Variants in KLHL32 observed in about 807,000 individuals in gnomAD.
The protein encoded by KLHL32 is kelch-like protein 32.
KLHL32 carries 35 observed loss-of-function variants against 64.8 expected under a neutral mutation model. The observed-to-expected ratio is 0.54, with a 90% CI of 0.41 to 0.72. The LOEUF is 0.72. Ranked by LOEUF, KLHL32 falls within the 30% of genes least tolerant of loss-of-function variation. The pLI is 0.00. For missense variants in KLHL32, 589 were observed against 768.5 expected, an observed-to-expected ratio of 0.77 and a Z score of 2.76; for synonymous variants, 259 against 281.0, an observed-to-expected ratio of 0.92 and a Z score of 0.78.
In KLHL32 at chr6:97,057,438, T is replaced by C; in HGVS notation, c.313-7190T>C. 2.2e-5 allele frequency among the ~76,000 whole-genome samples: 2 copies of C among 89,364 alleles called. 1 individual carries two copies. The highest frequency in any genetic ancestry group is 2.9e-4 in the Admixed American group (2 of 6,862). The allele number at this position is 89,364 out of a possible 152,430, so 58.6% of individuals were successfully genotyped here. A position where few individuals can be genotyped will look rare whatever the true frequency, so the allele number is the denominator to read the frequency against. On this transcript the variant is annotated intron_variant, in intron 4 of 10. Transcript: ENST00000369261. The stretch of plus-strand genomic sequence containing the variant: ...ACCTCGTGATCCGCCCGTCTCGGCC[T>C]CCCAAAGTGCTGGGATTACAGGCGT...
At chr6:96,913,672 TAACTGTTCATAGTTGGAGAAAA>T in the KLHL32 span, among the ~76,000 whole-genome samples, 1 of 152,236 alleles carries the variant, frequency 6.6e-6, no homozygotes, top group South Asian at 2.1e-4. Flanking sequence ...ACATGAGAGT[TAACTGTTCATAGTTGGAGAAAA>T]ATTTTGAAAG....
At chr6:97,060,180 A>G (rs1271215585) in intron 4 of KLHL32, among the ~76,000 whole-genome samples, 1 of 152,172 alleles carries the variant, frequency 6.6e-6, no homozygotes, top group African/African-American at 2.4e-5. Flanking sequence ...ATAGCTTTGA[A>G]GATCTGAAGA....
chr6:97,074,619 A>G (rs1207563353), intron 5 of KLHL32, among the ~76,000 whole-genome samples: 1 of 151,598 alleles, frequency 6.6e-6, no homozygotes, highest in Non-Finnish European at 1.5e-5. Context: ...AAAAAAACAA[A>G]AAAACTACTT....
chr6:97,085,037 C>T, intron 5 of KLHL32, 89 bp from the exon 6 acceptor site: 2 of 1,102,366 alleles, frequency 1.8e-6, no homozygotes, highest in South Asian at 2.7e-5. Flanking sequence ...GTGATGAAAA[C>T]CTTAGTGAGT....
intron 3 of KLHL32, among the ~76,000 whole-genome samples, chr6:97,024,406 T>C (rs1264957529): frequency 5.3e-5 from 8 of 151,770 alleles, no homozygotes; most frequent in Non-Finnish European, 7.4e-5. Context: ...TGTTGCTTTT[T>C]TTTTTTTTCA....
At chr6:96,939,413 A>T (rs1294484528) in intron 1 of KLHL32, among the ~76,000 whole-genome samples, 1 of 152,200 alleles carries the variant, frequency 6.6e-6, no homozygotes, top group African/African-American at 2.4e-5. Context: ...AGCATTTATC[A>T]CACGATCTCA....
chr6:97,068,800 G>A (rs979825969), intron 5 of KLHL32, among the ~76,000 whole-genome samples: 3 of 151,918 alleles, frequency 2.0e-5, no homozygotes, highest in African/African-American at 4.8e-5. Flanking sequence ...TAAATACATC[G>A]TATTAAACCA....
At chr6:97,105,251 G>T (rs537960417) in intron 6 of KLHL32, among the ~76,000 whole-genome samples, 2 of 152,270 alleles carry the variant, frequency 1.3e-5, no homozygotes, top group Non-Finnish European at 2.9e-5. Context: ...TAAAGAGCAT[G>T]CTCGATACTC....
At chr6:97,055,802 A>AAAAAAAAAAAAAAAAAAAAAG (rs1787740770) in intron 4 of KLHL32, among the ~76,000 whole-genome samples, 1 of 125,544 alleles carries the variant, frequency 8.0e-6, no homozygotes, top group Non-Finnish European at 1.5e-5. Flanking sequence ...TGTCTAAAAA[A>AAAAAAAAAAAAAAAAAAAAAG]AAAAAAAAAA....
At chr6:96,931,976 A>C (rs1349680686) in intron 1 of KLHL32, among the ~76,000 whole-genome samples, 1 of 152,182 alleles carries the variant, frequency 6.6e-6, no homozygotes, top group East Asian at 1.9e-4. Context: ...TTAGGTTCAT[A>C]ATTAATATGG....
the KLHL32 span, among the ~76,000 whole-genome samples, chr6:96,913,373 G>C: frequency 2.6e-5 from 4 of 152,164 alleles, no homozygotes; most frequent in Non-Finnish European, 4.4e-5. Flanking sequence ...GTAGGTCCCA[G>C]CTTGACTATT....
intron 4 of KLHL32, among the ~76,000 whole-genome samples, chr6:97,045,538 A>G (rs1239014676): frequency 6.6e-6 from 1 of 152,162 alleles, no homozygotes; most frequent in African/African-American, 2.4e-5. Flanking sequence ...CTGCATTAGC[A>G]ACTAAATGGT....
At chr6:97,074,294 T>C (rs955618761) in intron 5 of KLHL32, among the ~76,000 whole-genome samples, 7 of 152,270 alleles carry the variant, frequency 4.6e-5, no homozygotes, top group African/African-American at 1.7e-4. Context: ...TTTTGAGGGA[T>C]GCTGATGTCT....
chr6:97,112,519 T>C (rs1303009582), intron 6 of KLHL32, among the ~76,000 whole-genome samples: 1 of 151,982 alleles, frequency 6.6e-6, no homozygotes, highest in Non-Finnish European at 1.5e-5. Context: ...GGATCTCAGC[T>C]CACTGTAAGC....
intron 7 of KLHL32, 136 bp from the exon 8 acceptor site, chr6:97,127,268 G>A: frequency 1.5e-6 from 1 of 680,236 alleles, no homozygotes. Flanking sequence ...TCTTAATTAT[G>A]TCATGGGCTC....
At chr6:96,989,574 G>A (rs1009446949) in intron 3 of KLHL32, among the ~76,000 whole-genome samples, 5 of 152,016 alleles carry the variant, frequency 3.3e-5, no homozygotes, top group Non-Finnish European at 7.4e-5. Flanking sequence ...ACAACTGTGC[G>A]TCTTGGGGAT....
chr6:97,050,170 C>G (rs1462536320), intron 4 of KLHL32, among the ~76,000 whole-genome samples: 2 of 152,144 alleles, frequency 1.3e-5, no homozygotes, highest in African/African-American at 4.8e-5. Flanking sequence ...CTTTCCAATT[C>G]AGTATGTTTT....
chr6:97,008,674 TG>T (rs1203226201), intron 3 of KLHL32, among the ~76,000 whole-genome samples: 4 of 152,128 alleles, frequency 2.6e-5, no homozygotes, highest in African/African-American at 4.8e-5. Flanking sequence ...GGCCATACCT[TG>T]GCTGTTCATC....
At chr6:97,070,362 G>A (rs1790515296) in intron 5 of KLHL32, among the ~76,000 whole-genome samples, 1 of 152,182 alleles carries the variant, frequency 6.6e-6, no homozygotes, top group Non-Finnish European at 1.5e-5. Flanking sequence ...TCTGGCATGG[G>A]TAATCCAGAA....
Sources: gnomAD v4.1 joint callset for allele counts (sites outside exome capture counted in the v4.1 genomes callset) on GRCh38, gnomAD v4.1.1 for gene constraint, MANE v1.5 for transcripts, NCBI Gene and HGNC (gene_info 2026-07-23, HGNC 2026-07-21) for gene names.